The following ANAPC7 variants were observed in gnomAD, a reference collection of about 807,000 sequenced individuals.
ANAPC7 encodes anaphase promoting complex subunit 7.
A neutral mutation model predicts 63.3 loss-of-function variants in ANAPC7; 25 were observed. The observed-to-expected ratio is 0.39, with a 90% CI of 0.29 to 0.55. The LOEUF (loss-of-function observed/expected upper bound fraction) is 0.55, where lower values mean the gene tolerates loss of function less well. Among genes scored for constraint, ANAPC7 ranks in the 20% least tolerant of loss-of-function variants. ANAPC7 has a pLI of 0.57. For missense variants in ANAPC7, 516 were observed against 691.7 expected (o/e 0.75, Z 2.85); for synonymous variants, 241 against 251.7 (o/e 0.96, Z 0.40).
At chr12:110,392,687 A>T (rs1883199014) in intron 3 of ANAPC7, among the ~76,000 whole-genome samples, 1 of 152,236 alleles carries the variant, frequency 6.6e-6, no homozygotes, top group Admixed American at 6.5e-5. Context: ...TTCTCATTTT[A>T]TAAATAAAAA....
Position 110,387,909 on chromosome 12 carries a change from C to A in ANAPC7, c.521-17G>T. ...ACAACAAGCCTAAACCAACAGAAAGCAGAAGAAAGAAAGTAAGGCACGATA... is the reference window on the plus strand; with the variant it reads ...ACAACAAGCCTAAACCAACAGAAAGAAGAAGAAAGAAAGTAAGGCACGATA... On this transcript the variant is annotated splice_polypyrimidine_tract_variant and intron_variant, in intron 4 of 10. Transcript: ENST00000455511. 6.2e-7 allele frequency: 1 copy of A among 1,611,130 alleles called. No homozygotes were observed. Among genetic ancestry groups the A allele is most frequent in the Non-Finnish European group, 8.5e-7 (1 of 1,177,846 alleles).
At chr12:110,397,869 T>G (rs578092894) in intron 1 of ANAPC7, among the ~76,000 whole-genome samples, 1 of 151,856 alleles carries the variant, frequency 6.6e-6, no homozygotes, top group African/African-American at 2.4e-5. Context: ...CACTCCAGCC[T>G]GGGCGACAAG....
chr12:110,391,901 G>A (rs1883116002), intron 3 of ANAPC7, among the ~76,000 whole-genome samples: 1 of 151,988 alleles, frequency 6.6e-6, no homozygotes, highest in Admixed American at 6.6e-5. Flanking sequence ...AGACCATCCT[G>A]GCCAACATGG....
rs901570081 is a variant in ANAPC7 at position 110,388,558 on chromosome 12, A to G, written c.474T>C (p.Tyr158=). Residue 158 remains tyrosine (Y), a synonymous_variant, in exon 4 of 11, where the codon TAT becomes TAC. Transcript: ENST00000455511. ...ATGGGCACTGCCTCAGCACCTCCTT[A>G]TAGCTGGTGACTGAAGGGCGCTCCT... ...AGQERPSVTS[Y]KEVLRQCPLA... is the part of the protein sequence containing the mutation. 6.2e-7 allele frequency: 1 copy of G among 1,614,162 alleles called. No homozygotes were observed. Among genetic ancestry groups the G allele is most frequent in the Non-Finnish European group, 8.5e-7 (1 of 1,180,024 alleles).
chr12:110,394,669 CAAAAAA>C (rs779142936), intron 3 of ANAPC7, among the ~76,000 whole-genome samples: 7,610 of 42,668 alleles, frequency 0.18, 362 homozygotes, highest in South Asian at 0.28. Context: ...AATTCCACCT[CAAAAAA>C]AAAAAAAAAA....
Position 110,396,453 on chromosome 12 carries a change from C to T in ANAPC7, c.102-1G>A. On this transcript the variant is annotated splice_acceptor_variant, in intron 1 of 10. Transcript: ENST00000455511. LOFTEE classifies it high-confidence loss of function. ...CTTCTGAGGTGGGGAGAATAACTCA[C>T]TAGAAAACAAGAGAAAATGTAATAC... is the stretch of plus-strand genomic sequence containing the variant. 6.3e-7 allele frequency: 1 copy of T among 1,591,476 alleles called. No homozygotes were observed.
chr12:110,387,335 G>GAGAGAGAGAGAGAGA (rs1566269122), intron 5 of ANAPC7: 8 of 22,220 alleles, frequency 3.6e-4, no homozygotes, highest in Admixed American at 6.7e-4. Flanking sequence ...GAGAGAGAGA[G>GAGAGAGAGAGAGAGA]GCAGAGAGAG....
intron 8 of ANAPC7, among the ~76,000 whole-genome samples, chr12:110,379,852 G>T (rs1422259776): frequency 6.6e-6 from 1 of 152,146 alleles, no homozygotes; most frequent in Non-Finnish European, 1.5e-5. Context: ...AAACGTTGCT[G>T]AAACTGGCAC....
At chr12:110,402,778 C>T (rs1188691272) in intron 1 of ANAPC7, among the ~76,000 whole-genome samples, 1 of 151,956 alleles carries the variant, frequency 6.6e-6, no homozygotes, top group Non-Finnish European at 1.5e-5. Context: ...TTCTGTCGCC[C>T]ACGGTAAAGG....
At chr12:110,389,211 G>A (rs1882889844) in intron 3 of ANAPC7, among the ~76,000 whole-genome samples, 2 of 151,892 alleles carry the variant, frequency 1.3e-5, no homozygotes, top group African/African-American at 2.4e-5. Context: ...AAAAGACGCT[G>A]CCCTCTGGAA....
intron 8 of ANAPC7, among the ~76,000 whole-genome samples, chr12:110,380,694 C>T (rs1881747436): frequency 6.8e-6 from 1 of 146,642 alleles, no homozygotes; most frequent in African/African-American, 2.5e-5. Context: ...GTGGCTCACG[C>T]CTGTAATCCT....
At chr12:110,393,034 A>C (rs1883237307) in intron 3 of ANAPC7, among the ~76,000 whole-genome samples, 2 of 152,130 alleles carry the variant, frequency 1.3e-5, no homozygotes, top group South Asian at 4.1e-4. Context: ...ACCTCAGATG[A>C]TTCACCCACC....
chr12:110,375,820 G>T, intron 10 of ANAPC7: 1 of 1,180,708 alleles, frequency 8.5e-7, no homozygotes, highest in Non-Finnish European at 1.0e-6. Context: ...CTATACAAAT[G>T]AACACAGATG....
intron 1 of ANAPC7, among the ~76,000 whole-genome samples, chr12:110,402,641 G>A (rs140612337): frequency 3.7e-4 from 56 of 151,472 alleles, no homozygotes; most frequent in African/African-American, 1.2e-3. Flanking sequence ...GCCAATAAAG[G>A]ATATTAAGCA....
rs757959144 is a variant in ANAPC7 at position 110,388,552 on chromosome 12, C to T, written c.480G>A (p.Glu160=). ...QERPSVTSYK[E]VLRQCPLALD... is the part of the protein sequence containing the mutation. ...GGGCTAATGGGCACTGCCTCAGCAC[C>T]TCCTTATAGCTGGTGACTGAAGGGC... Residue 160 remains glutamate (E), a synonymous_variant, in exon 4 of 11, where the codon GAG becomes GAA. Transcript: ENST00000455511. 6 of 1,614,058 alleles carry T rather than the reference C, an allele frequency of 3.7e-6. No homozygotes were observed. Among genetic ancestry groups the T allele is most frequent in the Non-Finnish European group, 5.1e-6 (6 of 1,180,046 alleles).
At chr12:110,402,738 C>T (rs2062249981) in intron 1 of ANAPC7, among the ~76,000 whole-genome samples, 2 of 151,960 alleles carry the variant, frequency 1.3e-5, no homozygotes, top group South Asian at 4.1e-4. Context: ...AATGGAGTCT[C>T]CCGTTTCCTT....
At chr12:110,382,497 T>TAGAGAGAGAG (rs1882031640) in intron 7 of ANAPC7, among the ~76,000 whole-genome samples, 1 of 135,310 alleles carries the variant, frequency 7.4e-6, no homozygotes, top group Non-Finnish European at 1.6e-5. Context: ...TATATATATT[T>TAGAGAGAGAG]ATAGAGACAG....
At chr12:110,378,658 C>A (rs1329606599) in intron 8 of ANAPC7, 2 of 152,042 alleles carry the variant, frequency 1.3e-5, no homozygotes, top group Middle Eastern at 3.1e-3. Flanking sequence ...ACTCTTCATG[C>A]CAGTAAGTTG....
At chr12:110,381,970 AAAAC>A in intron 7 of ANAPC7, 22 bp from the exon 8 acceptor site, 2 of 1,510,664 alleles carry the variant, frequency 1.3e-6, no homozygotes, top group Non-Finnish European at 1.8e-6. Context: ...AAAAAAAAAA[AAAAC>A]ACAAAAACCC....
Sources: allele counts gnomAD v4.1 joint callset (sites outside exome capture counted in the v4.1 genomes callset), GRCh38; gene constraint gnomAD v4.1.1; transcripts MANE v1.5; gene names NCBI Gene and HGNC (gene_info 2026-07-23, HGNC 2026-07-21).